The following FBF1 variants were observed in gnomAD, a reference collection of about 807,000 sequenced individuals.
FBF1 encodes fas-binding factor 1.
In FBF1, 119 loss-of-function variants were observed where a neutral mutation model predicts 147.2. The observed-to-expected ratio is 0.81, with a 90% CI of 0.70 to 0.94. FBF1 has a LOEUF of 0.94. Ranked by LOEUF, FBF1 falls within the 40% of genes least tolerant of loss-of-function variation. The probability of loss-of-function intolerance (pLI) is 0.00; values close to 1 mark genes in which losing one functional copy is unlikely to be tolerated. For missense variants in FBF1, 1,449 were observed against 1,500.8 expected (o/e 0.97, Z 0.57); for synonymous variants, 601 against 609.0 (o/e 0.99, Z 0.19).
In FBF1 at chr17:75,925,883, G is replaced by A. The variant is rs956854575; in HGVS notation, c.868+147C>T. 1.7e-6 allele frequency: 2 copies of A among 1,179,154 alleles called. No homozygotes were observed. Among genetic ancestry groups the A allele is most frequent in the Non-Finnish European group, 2.3e-6 (2 of 870,320 alleles). The allele number at this position is 1,179,154 out of a possible 1,614,324, so 73.0% of individuals were successfully genotyped here. A position where few individuals can be genotyped will look rare whatever the true frequency, so the allele number is the denominator to read the frequency against. On this transcript the variant is annotated intron_variant, in intron 12 of 29. Transcript: ENST00000636174. The surrounding 1 kb of genome is among the most constrained non-coding windows in gnomAD (Gnocchi z 5.0). Reference sequence around the variant, plus strand: ...TGGTCACGGTAAGTATTATTTCACGGTAAGTATTATTTTGTCTCAGCTATA... The same window carrying A: ...TGGTCACGGTAAGTATTATTTCACGATAAGTATTATTTTGTCTCAGCTATA...
At chr17:75,927,434 C>T in intron 9 of FBF1, 21 bp downstream of exon 9, 1 of 1,567,718 alleles carries the variant, frequency 6.4e-7, no homozygotes, top group South Asian at 1.2e-5. Flanking sequence ...GTCCCAGAGG[C>T]ATGACAGGAG....
Position 75,923,816 on chromosome 17 carries a change from C to A in FBF1, c.969-175G>T, listed in dbSNP as rs1265904348. The stretch of plus-strand genomic sequence containing the variant: ...CAGGCCACGTGCTGTCTGTAGAACA[C>A]CACGAAGTACAGAGACCTTGACTTC... On this transcript the variant is annotated intron_variant, in intron 13 of 29. Coordinates refer to ENST00000636174, the MANE Select transcript of FBF1 (RefSeq NM_001319193.2). This position sits in a 1 kb window ranked among gnomAD's most constrained non-coding sequence, Gnocchi z 4.1. Among the ~76,000 whole-genome samples, 1 of 152,204 alleles carries A rather than the reference C, an allele frequency of 6.6e-6. No homozygotes were observed. The highest frequency in any genetic ancestry group is 1.5e-5 in the Non-Finnish European group (1 of 68,040).
intron 4 of FBF1, 59 bp downstream of exon 4, chr17:75,935,569 TAGTA>T (rs1374703726): frequency 1.4e-6 from 2 of 1,478,116 alleles, no homozygotes; most frequent in Non-Finnish European, 1.8e-6. Flanking sequence ...CTGGGCAACA[TAGTA>T]AGAAAAAAAA....
intron 1 of FBF1, chr17:75,940,018 T>A (rs921592994): frequency 2.0e-5 from 3 of 152,274 alleles, no homozygotes; most frequent in African/African-American, 7.2e-5. Flanking sequence ...CGATCTTGGC[T>A]CACCACAACC....
intron 7 of FBF1, among the ~76,000 whole-genome samples, chr17:75,929,220 C>G (rs1451562373): frequency 6.6e-6 from 1 of 151,994 alleles, no homozygotes; most frequent in Non-Finnish European, 1.5e-5. Flanking sequence ...CCTGTAATTA[C>G]AGTATTTTGG....
chr17:75,923,470 C>T lies in FBF1; in HGVS notation c.1140G>A (p.Arg380=), dbSNP rs2065541523. ...AGGGCGTGACAGGCACTGAACTTTC[C>T]CGATGGGCCTCTCTGGTGGGTGAGG... ...FPASPTREAH[R]ESSVPVTPSV... The change falls in exon 14 of 30, where the codon CGG becomes CGA. Residue 380 remains arginine (R), a synonymous_variant. Transcript: ENST00000636174. The surrounding 1 kb of genome is among the most constrained non-coding windows in gnomAD (Gnocchi z 4.1). 4 of 1,608,942 alleles carry T rather than the reference C, an allele frequency of 2.5e-6. No individual in the cohort carries two copies. The highest frequency in any genetic ancestry group is 3.4e-6 in the Non-Finnish European group (4 of 1,178,066).
At position 75,928,188 on chromosome 17, in the gene FBF1, C is replaced by G; in HGVS notation, c.285G>C (p.Leu95=). 6.2e-7 allele frequency: 1 copy of G among 1,613,802 alleles called. No individual in the cohort carries two copies. Among genetic ancestry groups the G allele is most frequent in the Admixed American group, 1.7e-5 (1 of 59,996 alleles). The change falls in exon 8 of 30, where the codon CTG becomes CTC. Residue 95 remains leucine, a synonymous_variant. Coordinates refer to ENST00000636174, the MANE Select transcript of FBF1 (RefSeq NM_001319193.2). This position sits in a 1 kb window ranked among gnomAD's most constrained non-coding sequence, Gnocchi z 4.2. ...CTAAGATATCAGCATCCATGCCGTC[C>G]AGGTCCTAGAAAACCAGGGAGGGAG... The part of the protein sequence containing the change: ...PQALLQAMKD[L]DGMDADILGL...
chr17:75,910,886 CG>C lies in FBF1; in HGVS notation c.3364-81del. 1 of 1,233,770 alleles carries C rather than the reference CG, an allele frequency of 8.1e-7. No individual in the cohort carries two copies. Among genetic ancestry groups the C allele is most frequent in the Admixed American group, 2.0e-5 (1 of 49,758 alleles). The allele number at this position is 1,233,770 out of a possible 1,614,324, so 76.4% of individuals were successfully genotyped here. On this transcript the variant is annotated intron_variant, in intron 29 of 29. Coordinates refer to ENST00000636174, the MANE Select transcript of FBF1 (RefSeq NM_001319193.2). The surrounding 1 kb of genome is among the most constrained non-coding windows in gnomAD (Gnocchi z 4.1). The stretch of plus-strand genomic sequence containing the variant: ...AGCCCTGGATGCTAGCTGAGCCAGC[CG>C]TCACTGAGGCCCCTCCCCACATCGT...
At position 75,910,198 on chromosome 17, in the gene FBF1, C is replaced by G; in HGVS notation, c.*525G>C. ...GGCTGAGTTCCAGGAACATCTCACA[C>G]CACAAGGGAGGATCTAGCTGGTGCC... On this transcript the variant is annotated 3_prime_UTR_variant, in exon 30 of 30. Transcript: ENST00000636174. The surrounding 1 kb of genome is among the most constrained non-coding windows in gnomAD (Gnocchi z 4.1). 1 of 382,208 alleles carries G rather than the reference C, an allele frequency of 2.6e-6. No homozygotes were observed. Among genetic ancestry groups the G allele is most frequent in the Non-Finnish European group, 5.1e-6 (1 of 196,794 alleles). 23.7% of individuals were successfully genotyped at this position (382,208 alleles called of 1,614,324 possible).
At chr17:75,927,092 T>G (rs1432043280) in intron 9 of FBF1, among the ~76,000 whole-genome samples, 1 of 152,188 alleles carries the variant, frequency 6.6e-6, no homozygotes, top group Non-Finnish European at 1.5e-5. Context: ...GCCCTGGACC[T>G]ACGGGGCCTG....
intron 17 of FBF1, among the ~76,000 whole-genome samples, 179 bp from the exon 18 acceptor site, chr17:75,920,608 C>T (rs2065519704): frequency 6.6e-6 from 1 of 152,182 alleles, no homozygotes. Context: ...GTGTACCTCC[C>T]CTTGCAGATC....
Position 75,920,399 on chromosome 17 carries a change from G to T in FBF1, c.1705C>A (p.Leu569Met), listed in dbSNP as rs1267946763. Residue 569 changes from leucine (L) to methionine (M), a missense_variant, in exon 18 of 30, where the codon CTG becomes ATG. Physicochemically the swap from Leu to Met is conservative, Grantham distance 15. Coordinates refer to ENST00000636174, the MANE Select transcript of FBF1 (RefSeq NM_001319193.2). The stretch of plus-strand genomic sequence containing the variant: ...TTCTGGTATTCTGTGCTCGGCAGCA[G>T]GCTCCGGGCCAGGGACTCTGGGAGC... ...PLLPESLARSLLPSTEYQKQL... is the reference protein window; with the variant it reads ...PLLPESLARSMLPSTEYQKQL... 6.2e-7 allele frequency: 1 copy of T among 1,607,576 alleles called. No individual in the cohort carries two copies. Among genetic ancestry groups the T allele is most frequent in the Non-Finnish European group, 8.5e-7 (1 of 1,177,546 alleles).
At position 75,920,348 on chromosome 17, in the gene FBF1, G is replaced by C; in HGVS notation, c.1756C>G (p.Leu586Val). 1 of 1,609,118 alleles carries C rather than the reference G, an allele frequency of 6.2e-7. No homozygotes were observed. Among genetic ancestry groups the C allele is most frequent in the Non-Finnish European group, 8.5e-7 (1 of 1,178,338 alleles). Reference protein sequence around the residue: ...QKQLLAAQVQLQCSPAELQAE... With the variant: ...QKQLLAAQVQVQCSPAELQAE... ...TGGAGCTCAGCGGGGCTGCACTGAA[G>C]TTGCACCTGTGCTGCCAGGAGCTGC... The change falls in exon 18 of 30, where the codon CTT becomes GTT. Residue 586 changes from leucine to valine, a missense_variant. Coordinates refer to ENST00000636174, the MANE Select transcript of FBF1 (RefSeq NM_001319193.2).
At chr17:75,936,784 C>T (rs1430491335) in intron 3 of FBF1, among the ~76,000 whole-genome samples, 3 of 152,156 alleles carry the variant, frequency 2.0e-5, no homozygotes, top group Admixed American at 6.5e-5. Context: ...GATCAGTCTT[C>T]CAGACCCTGA....
Position 75,925,361 on chromosome 17 carries a change from G to A in FBF1, c.954C>T (p.Arg318=). 1.2e-6 allele frequency: 2 copies of A among 1,613,104 alleles called. No individual in the cohort carries two copies. The highest frequency in any genetic ancestry group is 8.5e-7 in the Non-Finnish European group (1 of 1,179,656). ...GCCCCACTTACCTGACAGACTGCCG[G>A]CGGGACTGCCGGCCCTCAGAGGAGA... The part of the protein sequence containing the change: ...TVVSSEGRQS[R]RQSVSRFFAD... The change falls in exon 13 of 30, where the codon CGC becomes CGT. Residue 318 remains arginine, a synonymous_variant. Coordinates refer to ENST00000636174, the MANE Select transcript of FBF1 (RefSeq NM_001319193.2). This position sits in a 1 kb window ranked among gnomAD's most constrained non-coding sequence, Gnocchi z 5.0.
At position 75,910,009 on chromosome 17, in the gene FBF1, T is replaced by C; in HGVS notation, c.*714A>G. ...AGCAGCACAGAGGCTTCCCTCCTCGTCCCTCCCCACACCCCACCATCGCCA... is the reference window on the plus strand; with the variant it reads ...AGCAGCACAGAGGCTTCCCTCCTCGCCCCTCCCCACACCCCACCATCGCCA... On this transcript the variant is annotated 3_prime_UTR_variant, in exon 30 of 30. Coordinates refer to ENST00000636174, the MANE Select transcript of FBF1 (RefSeq NM_001319193.2). The surrounding 1 kb of genome is among the most constrained non-coding windows in gnomAD (Gnocchi z 4.1). The C allele has an allele frequency of 1.5e-6, 1 of 679,168 alleles. No individual in the cohort carries two copies. Among genetic ancestry groups the C allele is most frequent in the Non-Finnish European group, 2.7e-6 (1 of 370,326 alleles). 42.1% of individuals were successfully genotyped at this position (679,168 alleles called of 1,614,324 possible). A position where few individuals can be genotyped will look rare whatever the true frequency, so the allele number is the denominator to read the frequency against.
In FBF1 at chr17:75,926,874, A is replaced by C; in HGVS notation, c.479T>G (p.Leu160Trp). The change falls in exon 10 of 30, where the codon TTG becomes TGG. Residue 160 changes from leucine to tryptophan, a missense_variant. By Grantham distance (61) the Leu-to-Trp change is moderately conservative (BLOSUM62 -2). Coordinates refer to ENST00000636174, the MANE Select transcript of FBF1 (RefSeq NM_001319193.2). ...GAGAAGTCCTCTCAATGGGTCTTCCAAGTCTCACAGCAGAAGGGAAAGCAC... is the reference window on the plus strand; with the variant it reads ...GAGAAGTCCTCTCAATGGGTCTTCCCAGTCTCACAGCAGAAGGGAAAGCAC... ...HQNRRFSSEDLEDPLRGLLSY... is the reference protein window; with the variant it reads ...HQNRRFSSEDWEDPLRGLLSY... 6.2e-7 allele frequency: 1 copy of C among 1,610,914 alleles called. No individual in the cohort carries two copies. Among genetic ancestry groups the C allele is most frequent in the Non-Finnish European group, 8.5e-7 (1 of 1,178,560 alleles).
intron 23 of FBF1, among the ~76,000 whole-genome samples, 180 bp from the exon 24 acceptor site, chr17:75,915,319 G>A (rs1164924897): frequency 6.6e-6 from 1 of 152,174 alleles, no homozygotes; most frequent in Non-Finnish European, 1.5e-5. Context: ...CAGCCCGCAC[G>A]ATTCTGCCCA....
In FBF1 at chr17:75,925,147, G is replaced by A. The variant is rs959716082; in HGVS notation, c.968+200C>T. 6.6e-6 allele frequency among the ~76,000 whole-genome samples: 1 copy of A among 152,226 alleles called. No individual in the cohort carries two copies. The highest frequency in any genetic ancestry group is 1.5e-5 in the Non-Finnish European group (1 of 68,036). ...AGCGTCTGGGATGGGGGTTCCCACT[G>A]GGGCCATCTCCTCCACTCTGTCTGG... On this transcript the variant is annotated intron_variant, in intron 13 of 29. Coordinates refer to ENST00000636174, the MANE Select transcript of FBF1 (RefSeq NM_001319193.2). This position sits in a 1 kb window ranked among gnomAD's most constrained non-coding sequence, Gnocchi z 5.0.
Sources: allele counts gnomAD v4.1 joint callset (sites outside exome capture counted in the v4.1 genomes callset), GRCh38; gene constraint gnomAD v4.1.1; non-coding constraint Gnocchi (gnomAD v3.1); transcripts MANE v1.5; gene names NCBI Gene and HGNC (gene_info 2026-07-23, HGNC 2026-07-21).